The following CRYBG3 variants were observed in gnomAD, a reference collection of about 807,000 sequenced individuals.
CRYBG3 encodes crystallin beta-gamma domain containing 3, also known as very large A-kinase anchor protein.
In CRYBG3, 127 loss-of-function variants were observed where a neutral mutation model predicts 244.2. The ratio of observed to expected loss-of-function variants is 0.52; its 90% CI spans 0.45 to 0.60. CRYBG3 has a LOEUF of 0.60. Ranked by LOEUF, CRYBG3 falls within the 20% of genes least tolerant of loss-of-function variation. CRYBG3 has a pLI of 0.00. For missense variants in CRYBG3, 3,325 were observed against 3,442.5 expected (o/e 0.97, Z 0.85); for synonymous variants, 1,132 against 1,195.8 (o/e 0.95, Z 1.10).
chr3:97,885,589 G>A (rs1156957233), intron 7 of CRYBG3, among the ~76,000 whole-genome samples: 1 of 152,082 alleles, frequency 6.6e-6, no homozygotes, highest in Non-Finnish European at 1.5e-5. Flanking sequence ...CTTTTTTTGA[G>A]TTAGAACTTG....
chr3:97,923,556 T>G (rs2040007373), intron 17 of CRYBG3, among the ~76,000 whole-genome samples: 1 of 151,920 alleles, frequency 6.6e-6, no homozygotes, highest in African/African-American at 2.4e-5. Context: ...TATTCGGTAT[T>G]CTGAAGTTCT....
chr3:97,823,786 G>T (rs1353492564), intron 1 of CRYBG3, among the ~76,000 whole-genome samples: 2 of 152,206 alleles, frequency 1.3e-5, no homozygotes, highest in Non-Finnish European at 2.9e-5. Flanking sequence ...TTGAGAGTCA[G>T]TGTTAGAAAG....
At chr3:97,870,381 G>GACCTTCCACAAATACTACA (rs1219054687) in intron 3 of CRYBG3, among the ~76,000 whole-genome samples, 2 of 152,118 alleles carry the variant, frequency 1.3e-5, no homozygotes, top group African/African-American at 2.4e-5. Context: ...ACTTATATGT[G>GACCTTCCACAAATACTACA]AGAACATGTA....
rs976320667 is a variant in CRYBG3, at chr3:97,874,288, C to A, written c.3094C>A (p.Pro1032Thr). ...ASEDSSFLKV[P>T]SVLKLEKKSS... ...TGAGGACTCAAGCTTCCTTAAAGTA[C>A]CTTCTGTGCTGAAATTGGAAAAGAA... Residue 1032 changes from proline (P) to threonine (T), a missense_variant, in exon 4 of 22, where the codon CCT (proline) becomes ACT (threonine). Pro to Thr is a conservative substitution (Grantham distance 38, BLOSUM62 -1). Transcript: ENST00000389622. The A allele has an allele frequency of 3.3e-6, 5 of 1,529,336 alleles. No individual in the cohort carries two copies. The Admixed American group carries it at 1.0e-4, about 31-fold the overall frequency. 94.7% of individuals were successfully genotyped at this position (1,529,336 alleles called of 1,614,324 possible).
At chr3:97,867,433 G>A (rs1171412387) in intron 3 of CRYBG3, among the ~76,000 whole-genome samples, 1 of 152,100 alleles carries the variant, frequency 6.6e-6, no homozygotes, top group Non-Finnish European at 1.5e-5. Flanking sequence ...GCTATTACAG[G>A]ATTTTCTTTG....
intron 15 of CRYBG3, among the ~76,000 whole-genome samples, chr3:97,907,544 G>A (rs1337509284): frequency 1.4e-5 from 2 of 147,954 alleles, no homozygotes; most frequent in African/African-American, 5.0e-5. Context: ...AGAGGTGTTT[G>A]TAGTATTCTC....
rs564831789 is a variant in CRYBG3, at chr3:97,872,495, T to C, written c.1301T>C (p.Ile434Thr). ...CTTGTTGAGCCTCAGGGCCCTGCTA[T>C]TTCTGATTTCTCTTGTAGTAAATCT... is the stretch of plus-strand genomic sequence containing the variant. ...EELVEPQGPA[I>T]SDFSCSKSDG... is the part of the protein sequence containing the mutation. Residue 434 changes from isoleucine to threonine, a missense_variant, in exon 4 of 22, where the codon ATT (isoleucine) becomes ACT (threonine). By Grantham distance (89) the Ile-to-Thr change is moderately conservative. Transcript: ENST00000389622. 218 of 1,536,018 alleles carry C rather than the reference T, an allele frequency of 1.4e-4. 2 individuals carry two copies. The South Asian group carries it at 2.3e-3, about 16-fold the overall frequency.
intron 15 of CRYBG3, among the ~76,000 whole-genome samples, chr3:97,905,013 T>A (rs1028053090): frequency 2.0e-5 from 3 of 151,588 alleles, no homozygotes; most frequent in Non-Finnish European, 4.4e-5. Context: ...CTTGCGATAG[T>A]ATAGTTTACT....
chr3:97,853,164 C>T (rs1576521905), intron 2 of CRYBG3, among the ~76,000 whole-genome samples: 1 of 150,240 alleles, frequency 6.7e-6, no homozygotes, highest in East Asian at 2.0e-4. Context: ...CATTCCCCTC[C>T]CACCCTCCCC....
intron 10 of CRYBG3, 81 bp from the exon 11 acceptor site, chr3:97,892,779 C>T (rs1333422272): frequency 3.1e-6 from 2 of 642,730 alleles, no homozygotes; most frequent in Non-Finnish European, 5.0e-6. Flanking sequence ...ATAGTAGTCC[C>T]TGTACATTTT....
chr3:97,905,594 T>C (rs2039763021), intron 15 of CRYBG3, among the ~76,000 whole-genome samples: 1 of 152,140 alleles, frequency 6.6e-6, no homozygotes, highest in Non-Finnish European at 1.5e-5. Context: ...TGGGGTTGTT[T>C]GCTTTTTTCT....
intron 17 of CRYBG3, among the ~76,000 whole-genome samples, chr3:97,923,428 C>T (rs1224740310): frequency 1.3e-5 from 2 of 152,046 alleles, no homozygotes; most frequent in African/African-American, 2.4e-5. Flanking sequence ...CTATTATGCA[C>T]ATTTTGAAAA....
At chr3:97,911,561 G>A (rs2039872250) in intron 15 of CRYBG3, among the ~76,000 whole-genome samples, 1 of 152,190 alleles carries the variant, frequency 6.6e-6, no homozygotes, top group Non-Finnish European at 1.5e-5. Context: ...ACATAACACA[G>A]ATATCTTTCT....
At chr3:97,878,357 C>T (rs2039407929) in intron 4 of CRYBG3, among the ~76,000 whole-genome samples, 3 of 152,184 alleles carry the variant, frequency 2.0e-5, no homozygotes, top group African/African-American at 7.2e-5. Flanking sequence ...TTGCAGTGAG[C>T]CAAGATCGCA....
chr3:97,929,743 A>G (rs1454846746), intron 17 of CRYBG3, among the ~76,000 whole-genome samples: 2 of 152,018 alleles, frequency 1.3e-5, no homozygotes, highest in African/African-American at 4.8e-5. Flanking sequence ...CATTTGTCCA[A>G]TAGGTTTCTT....
intron 17 of CRYBG3, among the ~76,000 whole-genome samples, chr3:97,925,799 T>G (rs577307586): frequency 2.0e-5 from 3 of 152,122 alleles, no homozygotes; most frequent in Non-Finnish European, 2.9e-5. Flanking sequence ...TACTTCTGGG[T>G]TTTAGGTATA....
intron 20 of CRYBG3, 124 bp from the exon 21 acceptor site, chr3:97,942,160 T>A: frequency 1.4e-6 from 1 of 740,104 alleles, no homozygotes. Flanking sequence ...TATATAGTAT[T>A]TTTTTAGATA....
chr3:97,852,362 A>T (rs977750218), intron 2 of CRYBG3, among the ~76,000 whole-genome samples: 19 of 152,216 alleles, frequency 1.2e-4, no homozygotes, highest in African/African-American at 4.1e-4. Context: ...TTCTGCAGAC[A>T]CATCATATAA....
chr3:97,837,339 G>C (rs993040043), intron 1 of CRYBG3, among the ~76,000 whole-genome samples: 1 of 152,072 alleles, frequency 6.6e-6, no homozygotes, highest in African/African-American at 2.4e-5. Flanking sequence ...ATGCCAGGAA[G>C]GAAAGGCCTA....
Sources: gnomAD v4.1 joint callset for allele counts (sites outside exome capture counted in the v4.1 genomes callset) on GRCh38, gnomAD v4.1.1 for gene constraint, MANE v1.5 for transcripts, NCBI Gene and HGNC (gene_info 2026-07-23, HGNC 2026-07-21) for gene names.